Variants in UTY observed in about 807,000 individuals in gnomAD.
UTY encodes ubiquitously transcribed tetratricopeptide repeat containing, Y-linked.
UTY carries 12 observed loss-of-function variants against 32.5 expected under a neutral mutation model. That is an observed-to-expected ratio of 0.37 (90% CI 0.24 to 0.60). The LOEUF (loss-of-function observed/expected upper bound fraction) is 0.60, where lower values mean the gene tolerates loss of function less well. Among genes scored for constraint, UTY ranks in the 20% least tolerant of loss-of-function variants. The pLI is 0.69. For synonymous variants in UTY, 131 were observed against 103.4 expected (o/e 1.27, Z -1.62); for missense variants, 303 against 299.2 (o/e 1.01, Z -0.09).
At chrY:13,463,932 C>A in intron 3 of UTY, among the ~76,000 whole-genome samples, 1 of 34,041 alleles carries the variant, frequency 2.9e-5, no homozygotes, top group South Asian at 6.3e-4. Context: ...TTGGACATTA[C>A]ATGAAGACGT....
intron 25 of UTY, among the ~76,000 whole-genome samples, chrY:13,302,530 C>T: frequency 3.0e-5 from 1 of 33,081 alleles, no homozygotes; most frequent in Non-Finnish European, 7.4e-5. Context: ...CCTCAACCTC[C>T]GAGGCTCATC....
chrY:13,240,720 G>T, intron 28 of UTY, among the ~76,000 whole-genome samples: 1 of 34,005 alleles, frequency 2.9e-5, no homozygotes, highest in African/African-American at 1.1e-4. Context: ...TTAAGATTGA[G>T]CTCAGTGGCT....
At chrY:13,308,985 CA>C (rs2058849358) in intron 21 of UTY, among the ~76,000 whole-genome samples, 1 of 32,945 alleles carries the variant, frequency 3.0e-5, no homozygotes, top group Non-Finnish European at 7.4e-5. Flanking sequence ...TCAACACAGG[CA>C]AATCTACAGA....
intron 18 of UTY, among the ~76,000 whole-genome samples, chrY:13,331,522 C>T (rs2060692733): frequency 7.9e-4 from 27 of 34,080 alleles, no homozygotes; most frequent in Admixed American, 2.6e-3. Context: ...AACCAGCATG[C>T]CTGTTCTATC....
chrY:13,339,521 G>A, intron 17 of UTY, among the ~76,000 whole-genome samples: 1 of 33,811 alleles, frequency 3.0e-5, no homozygotes, highest in Non-Finnish European at 7.4e-5. Flanking sequence ...TCTGACCCAA[G>A]GGGGCTGGGA....
chrY:13,343,388 CT>C (rs2061632377), intron 17 of UTY, among the ~76,000 whole-genome samples: 1 of 32,554 alleles, frequency 3.1e-5, no homozygotes, highest in African/African-American at 1.2e-4. Context: ...ATATCAAGAA[CT>C]TTTGTGTGGA....
At chrY:13,429,827 G>A (rs1017505638) in intron 4 of UTY, among the ~76,000 whole-genome samples, 1 of 32,220 alleles carries the variant, frequency 3.1e-5, no homozygotes, top group East Asian at 8.1e-4. Flanking sequence ...CATTTTTCCC[G>A]CCAAATCATT....
chrY:13,335,833 G>C lies in UTY; in HGVS notation c.2564C>G (p.Thr855Ser). 1 of 399,170 alleles carries C rather than the reference G, an allele frequency of 2.5e-6. No homozygotes were observed. The highest frequency in any genetic ancestry group is 3.5e-6 in the Non-Finnish European group (1 of 283,702). The change falls in exon 18 of 30, where the codon ACT becomes AGT. Residue 855 changes from threonine (T) to serine (S), a missense_variant. By Grantham distance (58) the Thr-to-Ser change is moderately conservative. Coordinates refer to ENST00000545955, the MANE Select transcript of UTY (RefSeq NM_001258249.2). The part of the protein sequence containing the change: ...NNIHPAVHTK[T>S]DHSVASSPSS... ...GGGTGAAGAGGCAACAGAATGATCA[G>C]TCTTTGTATGAACAGCTGGGTGAAT...
intron 4 of UTY, among the ~76,000 whole-genome samples, chrY:13,446,611 TA>T (rs2075857756): frequency 6.1e-5 from 1 of 16,402 alleles, no homozygotes; most frequent in South Asian, 1.8e-3. Flanking sequence ...GATAGATAGA[TA>T]GATAGATAGA....
intron 4 of UTY, among the ~76,000 whole-genome samples, chrY:13,428,921 A>T (rs866513426): frequency 7.8e-4 from 26 of 33,458 alleles, no homozygotes; most frequent in African/African-American, 3.0e-3. Flanking sequence ...ATTCCTATAT[A>T]TTTTTTTGTA....
At chrY:13,234,164 G>A, downstream of UTY, among the ~76,000 whole-genome samples, 1 of 34,474 alleles carries the variant, frequency 2.9e-5, no homozygotes. Context: ...GCCAGATGTG[G>A]AGCGGCAAGG....
chrY:13,360,396 C>A (rs1569479959), intron 11 of UTY, 34 bp downstream of exon 11: 2 of 358,829 alleles, frequency 5.6e-6, no homozygotes, highest in African/African-American at 6.5e-5. Flanking sequence ...GTGTATCAAG[C>A]GAGCTTCTAC....
chrY:13,447,971 G>T, intron 4 of UTY, among the ~76,000 whole-genome samples: 1 of 33,592 alleles, frequency 3.0e-5, no homozygotes, highest in Non-Finnish European at 7.4e-5. Context: ...CATGCCTTGG[G>T]TAATGTACTG....
At chrY:13,255,771 A>G (rs770235857) in intron 28 of UTY, among the ~76,000 whole-genome samples, 1 of 33,782 alleles carries the variant, frequency 3.0e-5, no homozygotes, top group African/African-American at 1.2e-4. Flanking sequence ...AATGGTTTGC[A>G]TTTACAATTT....
chrY:13,472,421 A>T (rs2078594745), intron 2 of UTY, among the ~76,000 whole-genome samples: 1 of 32,865 alleles, frequency 3.0e-5, no homozygotes, highest in African/African-American at 1.2e-4. Context: ...AAAAAAAGAG[A>T]TATTGGCAGG....
chrY:13,279,272 G>A (rs2056862424), intron 27 of UTY, among the ~76,000 whole-genome samples: 1 of 33,282 alleles, frequency 3.0e-5, no homozygotes, highest in African/African-American at 1.2e-4. Context: ...CTTTAGAGAT[G>A]GAGTTTCACA....
intron 21 of UTY, among the ~76,000 whole-genome samples, chrY:13,307,400 C>A (rs2058753740): frequency 3.2e-5 from 1 of 31,742 alleles, no homozygotes; most frequent in Non-Finnish European, 7.6e-5. Context: ...TGAAGTTGGA[C>A]CTCTATCTCA....
chrY:13,347,194 TG>T (rs2061976921), intron 17 of UTY, among the ~76,000 whole-genome samples: 1 of 33,010 alleles, frequency 3.0e-5, no homozygotes, highest in African/African-American at 1.2e-4. Flanking sequence ...CTTCTCTTTG[TG>T]ATCAGTGGAC....
intron 21 of UTY, among the ~76,000 whole-genome samples, chrY:13,306,920 T>C (rs2058732143): frequency 3.0e-5 from 1 of 33,515 alleles, no homozygotes; most frequent in South Asian, 6.5e-4. Context: ...AGAAAGAATC[T>C]GTAGATTCTT....
Sources: allele counts gnomAD v4.1 joint callset (sites outside exome capture counted in the v4.1 genomes callset), GRCh38; gene constraint gnomAD v4.1.1; transcripts MANE v1.5; gene names NCBI Gene and HGNC (gene_info 2026-07-23, HGNC 2026-07-21).